Variants in THSD7B observed in about 807,000 individuals in gnomAD.
THSD7B encodes the protein thrombospondin type-1 domain-containing protein 7B.
Under a neutral mutation model 213.6 loss-of-function variants are expected in THSD7B, and 138 were observed. The observed-to-expected ratio is 0.65, with a 90% CI of 0.56 to 0.74. The LOEUF is 0.74. Among genes scored for constraint, THSD7B ranks in the 30% least tolerant of loss-of-function variants. THSD7B has a pLI of 0.00. For synonymous variants in THSD7B, 742 were observed against 687.0 expected, an observed-to-expected ratio of 1.08 and a Z score of -1.25; for missense variants, 1,931 against 1,991.5, an observed-to-expected ratio of 0.97 and a Z score of 0.58.
rs541457990 is a variant in THSD7B, at chr2:137,567,045, T to C, written c.3272+3691T>C. Among the ~76,000 whole-genome samples the C allele has an allele frequency of 3.9e-5, 6 of 152,308 alleles. No homozygotes were observed. In the East Asian group the frequency reaches 9.6e-4, roughly 24 times the overall value. On this transcript the variant is annotated intron_variant, in intron 16 of 27. Coordinates refer to ENST00000409968, the MANE Select transcript of THSD7B (RefSeq NM_001316349.2). The stretch of plus-strand genomic sequence containing the variant: ...GTAACAAGCTGTCCCATATGACTAG[T>C]GTCAGTACCCAAACAAGATAAAGAC...
In THSD7B at chr2:137,655,597, C is replaced by T. The variant is rs1208138630; in HGVS notation, c.4042C>T (p.Leu1348=). ...SHAAGRVEDA[L]CGEMPFQDSI... ...TGCAGCTGGACGTGTCGAGGATGCA[C>T]TGTGTGGAGAAATGCCCTTTCAGGA... Residue 1348 remains leucine (L), a synonymous_variant, in exon 22 of 28, where the codon CTG becomes TTG. Coordinates refer to ENST00000409968, the MANE Select transcript of THSD7B (RefSeq NM_001316349.2). The T allele has an allele frequency of 1.9e-6, 3 of 1,612,954 alleles. No homozygotes were observed. The highest frequency in any genetic ancestry group is 2.5e-6 in the Non-Finnish European group (3 of 1,179,586).
intron 9 of THSD7B, among the ~76,000 whole-genome samples, chr2:137,239,405 G>A (rs1448500833): frequency 6.6e-6 from 1 of 152,012 alleles, no homozygotes; most frequent in African/African-American, 2.4e-5. Context: ...ATGCCACCCC[G>A]GCTCTCATTC....
intron 1 of THSD7B, among the ~76,000 whole-genome samples, chr2:136,869,278 G>A (rs1683392251): frequency 1.3e-5 from 2 of 152,202 alleles, no homozygotes; most frequent in South Asian, 4.1e-4. Context: ...GCACAAAACA[G>A]ATAATTCAGA....
At chr2:137,169,521 C>T (rs373388541) in intron 6 of THSD7B, among the ~76,000 whole-genome samples, 1 of 152,072 alleles carries the variant, frequency 6.6e-6, no homozygotes, top group South Asian at 2.1e-4. Flanking sequence ...GTGGGATATG[C>T]AGCTTTCACT....
intron 1 of THSD7B, among the ~76,000 whole-genome samples, chr2:136,855,519 A>G (rs62171217): frequency 0.038 from 5,732 of 152,078 alleles, 157 homozygotes; most frequent in East Asian, 0.15. Context: ...TCCACCTCCC[A>G]GGTTCAAGTG....
In THSD7B at chr2:137,431,855, A is replaced by G. The variant is rs890562545; in HGVS notation, c.2960-18990A>G. Among the ~76,000 whole-genome samples, 117 of 152,296 alleles carry G rather than the reference A, an allele frequency of 7.7e-4. 2 individuals are homozygous for G. The highest frequency in any genetic ancestry group is 7.4e-4 in the Non-Finnish European group (50 of 68,020). ...ATAGATAGAGCTTTTGGAATAGCTT[A>G]TAGGTGATAAGAATGATGTTGACAA... On this transcript the variant is annotated intron_variant, in intron 14 of 27. Coordinates refer to ENST00000409968, the MANE Select transcript of THSD7B (RefSeq NM_001316349.2).
At chr2:136,828,361 G>A (rs891542807) in intron 1 of THSD7B, among the ~76,000 whole-genome samples, 2 of 151,932 alleles carry the variant, frequency 1.3e-5, no homozygotes, top group Non-Finnish European at 1.5e-5. Flanking sequence ...CGTTACATCA[G>A]CAAATTTGGT....
At chr2:137,189,715 T>A (rs1299733927) in intron 7 of THSD7B, among the ~76,000 whole-genome samples, 1 of 151,964 alleles carries the variant, frequency 6.6e-6, no homozygotes, top group African/African-American at 2.4e-5. Flanking sequence ...TTTAAGAACT[T>A]AGCTATAAAT....
intron 1 of THSD7B, among the ~76,000 whole-genome samples, chr2:136,849,446 A>G (rs1258920307): frequency 6.6e-6 from 1 of 152,174 alleles, no homozygotes; most frequent in Non-Finnish European, 1.5e-5. Flanking sequence ...CTAAGCTTTG[A>G]GATGGCCTGA....
chr2:136,992,134 A>G (rs553329652), intron 2 of THSD7B, among the ~76,000 whole-genome samples: 5 of 152,374 alleles, frequency 3.3e-5, no homozygotes, highest in South Asian at 2.1e-4. Flanking sequence ...GTTGATTGAT[A>G]TAGCAATAAA....
intron 10 of THSD7B, among the ~76,000 whole-genome samples, chr2:137,271,093 T>G (rs973821909): frequency 6.6e-6 from 1 of 151,920 alleles, no homozygotes; most frequent in African/African-American, 2.4e-5. Context: ...TTGTGCTGGC[T>G]TTCTATAAGT....
intron 15 of THSD7B, among the ~76,000 whole-genome samples, chr2:137,498,502 G>C (rs1178361019): frequency 2.0e-5 from 3 of 152,080 alleles, no homozygotes; most frequent in Non-Finnish European, 4.4e-5. Flanking sequence ...TAAATCAAAT[G>C]ATCTAGAACA....
chr2:137,341,907 A>C (rs1388896205), intron 12 of THSD7B, among the ~76,000 whole-genome samples: 1 of 150,862 alleles, frequency 6.6e-6, no homozygotes, highest in African/African-American at 2.4e-5. Flanking sequence ...GTAATGTTAT[A>C]CCTCCAGCTG....
chr2:137,058,611 G>A (rs1469362856), intron 3 of THSD7B, among the ~76,000 whole-genome samples: 1 of 152,036 alleles, frequency 6.6e-6, no homozygotes, highest in African/African-American at 2.4e-5. Flanking sequence ...ACATTTCATA[G>A]TTACATACAC....
chr2:137,289,538 T>G (rs1683273691), intron 12 of THSD7B, among the ~76,000 whole-genome samples: 1 of 152,082 alleles, frequency 6.6e-6, no homozygotes, highest in Non-Finnish European at 1.5e-5. Context: ...GTCAAATGTT[T>G]GTAAAATAAT....
intron 4 of THSD7B, among the ~76,000 whole-genome samples, chr2:137,114,471 T>G (rs1688409201): frequency 6.6e-6 from 1 of 152,230 alleles, no homozygotes; most frequent in Non-Finnish European, 1.5e-5. Context: ...TATTAACCAG[T>G]TATAAACTAG....
intron 1 of THSD7B, among the ~76,000 whole-genome samples, chr2:136,817,096 G>T (rs189143713): frequency 1.3e-5 from 2 of 152,086 alleles, no homozygotes; most frequent in African/African-American, 4.8e-5. Context: ...TACCTGAGCC[G>T]AAAAACAATG....
chr2:136,994,499 G>A (rs537201736), intron 2 of THSD7B, among the ~76,000 whole-genome samples: 3 of 152,242 alleles, frequency 2.0e-5, no homozygotes, highest in South Asian at 4.2e-4. Flanking sequence ...CCCGGGAGGC[G>A]GAGCTTGCAG....
intron 7 of THSD7B, among the ~76,000 whole-genome samples, chr2:137,211,271 A>T (rs1681096111): frequency 1.8e-5 from 2 of 113,444 alleles, no homozygotes; most frequent in Middle Eastern, 0.01. Flanking sequence ...ACAATGGGGC[A>T]TAGTCCATTT....
Sources: gnomAD v4.1 joint callset for allele counts (sites outside exome capture counted in the v4.1 genomes callset) on GRCh38, gnomAD v4.1.1 for gene constraint, MANE v1.5 for transcripts, NCBI Gene and HGNC (gene_info 2026-07-23, HGNC 2026-07-21) for gene names.